Variants in CDKAL1 observed in about 807,000 individuals in gnomAD.
CDKAL1 encodes the protein CDKAL1 threonylcarbamoyladenosine tRNA methylthiotransferase.
CDKAL1 carries 32 observed loss-of-function variants against 68.2 expected under a neutral mutation model. The observed-to-expected ratio is 0.47, with a 90% confidence interval of 0.35 to 0.63. The LOEUF is 0.63. CDKAL1 is among the 30% of genes least tolerant of loss of function. CDKAL1 has a pLI of 0.00. For missense variants in CDKAL1, 606 were observed against 696.7 expected (o/e 0.87, Z 1.47); for synonymous variants, 234 against 244.3 (o/e 0.96, Z 0.39).
chr6:20,963,800 C>G (rs1765169947), intron 10 of CDKAL1, among the ~76,000 whole-genome samples: 1 of 152,126 alleles, frequency 6.6e-6, no homozygotes, highest in Non-Finnish European at 1.5e-5. Flanking sequence ...ATGTGCTTCA[C>G]TGGTATTCTC....
intron 9 of CDKAL1, among the ~76,000 whole-genome samples, chr6:20,952,560 C>T (rs1053512325): frequency 2.0e-5 from 3 of 152,130 alleles, no homozygotes; most frequent in African/African-American, 4.8e-5. Context: ...GAAGGGCACA[C>T]GGTAAGGGCC....
At chr6:20,577,310 T>C (rs774854320) in intron 4 of CDKAL1, among the ~76,000 whole-genome samples, 4 of 152,226 alleles carry the variant, frequency 2.6e-5, no homozygotes, top group African/African-American at 4.8e-5. Context: ...ATTACTGATA[T>C]AGCTGCAGCC....
At chr6:20,636,920 C>A (rs1468770135) in intron 4 of CDKAL1, among the ~76,000 whole-genome samples, 2 of 151,624 alleles carry the variant, frequency 1.3e-5, no homozygotes, top group Non-Finnish European at 2.9e-5. Flanking sequence ...GCCTGTAATC[C>A]CAGCTACTCG....
rs751842901 is a variant in CDKAL1, at chr6:21,230,992, G to A, written c.1693G>A (p.Ala565Thr). Residue 565 changes from alanine (A) to threonine (T), a missense_variant, in exon 16 of 16, where the codon GCT becomes ACT. By Grantham distance (58) the Ala-to-Thr change is moderately conservative (BLOSUM62 0). Transcript: ENST00000274695. ...TGCGCTGAGGATGTCCGTGGGCTTG[G>A]CTCTGCTGGGTCTTCTTTTTGCTTT... The part of the protein sequence containing the change: ...DCALRMSVGL[A>T]LLGLLFAFFV... 4.3e-6 allele frequency: 7 copies of A among 1,611,896 alleles called. No homozygotes were observed. Among genetic ancestry groups the A allele is most frequent in the Non-Finnish European group, 5.9e-6 (7 of 1,178,496 alleles).
chr6:21,094,901 T>G (rs1351711526), intron 12 of CDKAL1, among the ~76,000 whole-genome samples: 6 of 152,226 alleles, frequency 3.9e-5, no homozygotes, highest in Admixed American at 3.9e-4. Flanking sequence ...GCATAACTCT[T>G]TTAAAATTAT....
At chr6:20,607,692 CTTTTTTCTTTT>C (rs965410350) in intron 4 of CDKAL1, among the ~76,000 whole-genome samples, 11 of 151,136 alleles carry the variant, frequency 7.3e-5, no homozygotes, top group East Asian at 1.9e-4. Flanking sequence ...TAGCTTTTTT[CTTTTTTCTTTT>C]TTTTTTCTTT....
intron 5 of CDKAL1, among the ~76,000 whole-genome samples, chr6:20,649,873 CTG>C (rs1768669130): frequency 1.3e-5 from 2 of 152,178 alleles, no homozygotes; most frequent in Non-Finnish European, 2.9e-5. Context: ...CCAGCTCCAT[CTG>C]TGTGCTTGCA....
At chr6:20,721,173 C>T (rs1772338739) in intron 5 of CDKAL1, among the ~76,000 whole-genome samples, 1 of 140,782 alleles carries the variant, frequency 7.1e-6, no homozygotes, top group Non-Finnish European at 1.5e-5. Flanking sequence ...CAAGTGTTCT[C>T]ATTGTTAAAT....
At chr6:21,020,501 C>G (rs1384525257) in intron 11 of CDKAL1, among the ~76,000 whole-genome samples, 1 of 152,008 alleles carries the variant, frequency 6.6e-6, no homozygotes, top group Non-Finnish European at 1.5e-5. Flanking sequence ...GAGTTTCACT[C>G]TTATTGTCCA....
chr6:21,181,410 G>C (rs1280475409), intron 13 of CDKAL1, among the ~76,000 whole-genome samples: 1 of 152,132 alleles, frequency 6.6e-6, no homozygotes, highest in Non-Finnish European at 1.5e-5. Context: ...CATGGGAGTG[G>C]TTTCTTATAA....
chr6:20,901,939 G>A (rs1762004313), intron 9 of CDKAL1, among the ~76,000 whole-genome samples: 1 of 151,848 alleles, frequency 6.6e-6, no homozygotes, highest in South Asian at 2.1e-4. Flanking sequence ...ATCATGCCCA[G>A]CTAATTTTGT....
At chr6:20,810,422 ACACACAC>A (rs1776756837) in intron 8 of CDKAL1, among the ~76,000 whole-genome samples, 2 of 148,056 alleles carry the variant, frequency 1.4e-5, no homozygotes, top group Non-Finnish European at 3.0e-5. Flanking sequence ...ACACACACAC[ACACACAC>A]ACACACACAC....
At chr6:20,903,070 A>C (rs1458171697) in intron 9 of CDKAL1, among the ~76,000 whole-genome samples, 2 of 152,192 alleles carry the variant, frequency 1.3e-5, no homozygotes, top group Non-Finnish European at 2.9e-5. Context: ...GGAAAAATCA[A>C]ATTGTTTTTA....
At position 20,624,736 on chromosome 6, in the gene CDKAL1, G is replaced by A. The variant is rs141954650; in HGVS notation, c.287-24557G>A. Among the ~76,000 whole-genome samples, 18 of 152,178 alleles carry A rather than the reference G, an allele frequency of 1.2e-4. No individual in the cohort carries two copies. In the East Asian group the frequency reaches 3.5e-3, roughly 29 times the overall value. Reference sequence around the variant, plus strand: ...ATTTCAAATTCCATGTAGATGGCATGCTACTCAATTTTTTACATAAGCTTC... The same window carrying A: ...ATTTCAAATTCCATGTAGATGGCATACTACTCAATTTTTTACATAAGCTTC... On this transcript the variant is annotated intron_variant, in intron 4 of 15. Transcript: ENST00000274695.
rs1778541397 is a variant in CDKAL1, at chr6:21,198,087, A to G, written c.1366A>G (p.Asn456Asp). The change falls in exon 14 of 16, where the codon AAT (asparagine) becomes GAT (aspartate). Residue 456 changes from asparagine to aspartate, a missense_variant. Physicochemically the swap from Asn to Asp is conservative, Grantham distance 23. Coordinates refer to ENST00000274695, the MANE Select transcript of CDKAL1 (RefSeq NM_017774.3). ...TGATTCCAAGTTTTATGTTGCACACAATCAATTCTATGAGCAGGTAAGAGG... is the reference window on the plus strand; with the variant it reads ...TGATTCCAAGTTTTATGTTGCACACGATCAATTCTATGAGCAGGTAAGAGG... ...SFDSKFYVAH[N>D]QFYEQVLVPK... 6.2e-7 allele frequency: 1 copy of G among 1,600,650 alleles called. No individual in the cohort carries two copies. Among genetic ancestry groups the G allele is most frequent in the Non-Finnish European group, 8.5e-7 (1 of 1,172,976 alleles).
At chr6:21,005,804 T>C (rs1343523941) in intron 11 of CDKAL1, among the ~76,000 whole-genome samples, 1 of 152,174 alleles carries the variant, frequency 6.6e-6, no homozygotes, top group Non-Finnish European at 1.5e-5. Context: ...GTAAGTTCAC[T>C]ATACCCAGAG....
At chr6:21,055,964 T>C (rs995877483) in intron 11 of CDKAL1, among the ~76,000 whole-genome samples, 1 of 152,204 alleles carries the variant, frequency 6.6e-6, no homozygotes, top group Non-Finnish European at 1.5e-5. Context: ...TCCACAATGC[T>C]TGAACTAATT....
intron 9 of CDKAL1, among the ~76,000 whole-genome samples, chr6:20,857,711 C>T (rs1310921151): frequency 6.6e-6 from 1 of 152,118 alleles, no homozygotes; most frequent in Admixed American, 6.5e-5. Flanking sequence ...ATTACGTATA[C>T]CAAAACATTT....
At chr6:20,687,289 A>G (rs1248438343) in intron 5 of CDKAL1, among the ~76,000 whole-genome samples, 2 of 152,286 alleles carry the variant, frequency 1.3e-5, no homozygotes, top group Non-Finnish European at 2.9e-5. Context: ...TCACCAGTGA[A>G]CCAATCTGGG....
Sources: allele counts gnomAD v4.1 joint callset (sites outside exome capture counted in the v4.1 genomes callset), GRCh38; gene constraint gnomAD v4.1.1; transcripts MANE v1.5; gene names NCBI Gene and HGNC (gene_info 2026-07-23, HGNC 2026-07-21).